Variants in PATJ observed in about 807,000 individuals in gnomAD.
PATJ encodes the protein PATJ crumbs cell polarity complex component.
PATJ carries 190 observed loss-of-function variants against 224.9 expected under a neutral mutation model. That is an observed-to-expected ratio of 0.84 (90% CI 0.75 to 0.95). PATJ has a LOEUF of 0.95. PATJ is among the 40% of genes least tolerant of loss of function. The pLI is 0.00. For missense variants in PATJ, 2,121 were observed against 2,270.3 expected, an observed-to-expected ratio of 0.93 and a Z score of 1.34; for synonymous variants, 769 against 820.3, an observed-to-expected ratio of 0.94 and a Z score of 1.07.
At chr1:62,153,915 T>C (rs1461758198) in intron 43 of PATJ, among the ~76,000 whole-genome samples, 1 of 152,198 alleles carries the variant, frequency 6.6e-6, no homozygotes, top group Non-Finnish European at 1.5e-5. Context: ...CTTTATTTTA[T>C]TTTTTGAGAG....
chr1:61,861,364 A>C (rs560414154), intron 18 of PATJ, among the ~76,000 whole-genome samples, 187 bp from the exon 19 acceptor site: 11 of 127,648 alleles, frequency 8.6e-5, no homozygotes, highest in African/African-American at 2.9e-4. Context: ...TCTGGGATAC[A>C]TGTGCAGAAT....
intron 42 of PATJ, 94 bp from the exon 43 acceptor site, chr1:62,153,264 A>T (rs1175226965): frequency 1.0e-5 from 10 of 973,902 alleles, no homozygotes; most frequent in Non-Finnish European, 1.3e-5. Context: ...GTTTTGCAGT[A>T]TGAAAGTCTC....
Position 61,810,958 on chromosome 1 carries a change from T to G in PATJ, c.1683+2428T>G, listed in dbSNP as rs182261489. ...ACACCTCATCAAGCTTCATTTGTTA[T>G]TAATTACTGCATTATAGTGTACTGA... On this transcript the variant is annotated intron_variant, in intron 14 of 43. Coordinates refer to ENST00000642238, the MANE Select transcript of PATJ (RefSeq NM_001350145.3). Among the ~76,000 whole-genome samples, 348 of 152,230 alleles carry G rather than the reference T, an allele frequency of 2.3e-3. 2 individuals are homozygous for G. Among genetic ancestry groups the G allele is most frequent in the African/African-American group, 7.4e-3 (306 of 41,568 alleles).
intron 7 of PATJ, among the ~76,000 whole-genome samples, chr1:61,775,538 T>G (rs1422887430): frequency 6.6e-6 from 1 of 152,138 alleles, no homozygotes; most frequent in Non-Finnish European, 1.5e-5. Flanking sequence ...ATTTTTGGGG[T>G]TTGTTTTGCT....
chr1:61,896,853 C>A (rs983739963), intron 22 of PATJ, among the ~76,000 whole-genome samples: 3 of 152,156 alleles, frequency 2.0e-5, no homozygotes, highest in African/African-American at 7.2e-5. Flanking sequence ...CTTCCCCTTA[C>A]CTTCTGCCAT....
At chr1:61,812,406 C>CAGAG (rs1655006339) in intron 14 of PATJ, among the ~76,000 whole-genome samples, 1 of 48,834 alleles carries the variant, frequency 2.0e-5, no homozygotes, top group Non-Finnish European at 4.2e-5. Flanking sequence ...ATGTGAGTGA[C>CAGAG]TGAGAGAGAG....
intron 27 of PATJ, among the ~76,000 whole-genome samples, chr1:61,969,640 T>A (rs1002932923): frequency 2.4e-4 from 36 of 152,230 alleles, no homozygotes; most frequent in African/African-American, 8.2e-4. Context: ...GATAAATAAT[T>A]TGCAAATATA....
intron 33 of PATJ, 42 bp downstream of exon 33, chr1:62,084,690 A>T: frequency 6.2e-7 from 1 of 1,600,028 alleles, no homozygotes; most frequent in Non-Finnish European, 8.5e-7. Context: ...TCATAGAACT[A>T]GTTGTTGAGG....
chr1:61,871,519 A>T (rs1475898966), intron 20 of PATJ, among the ~76,000 whole-genome samples: 1 of 49,218 alleles, frequency 2.0e-5, no homozygotes, highest in Non-Finnish European at 5.1e-5. Context: ...ACGCATATAT[A>T]TAAATATGTG....
chr1:61,746,745 CAT>C (rs35294074), intron 1 of PATJ, among the ~76,000 whole-genome samples: 13,996 of 152,172 alleles, frequency 0.092, 683 homozygotes, highest in Middle Eastern at 0.12. Context: ...ATAAAGCTAA[CAT>C]ATTCATTGTA....
At chr1:61,961,161 G>A (rs867002589) in intron 27 of PATJ, among the ~76,000 whole-genome samples, 2 of 152,192 alleles carry the variant, frequency 1.3e-5, no homozygotes, top group Non-Finnish European at 2.9e-5. Flanking sequence ...GCACTCAGAT[G>A]ATTTAGCAAG....
intron 29 of PATJ, among the ~76,000 whole-genome samples, chr1:62,023,090 G>C (rs1213949938): frequency 6.6e-6 from 1 of 152,122 alleles, no homozygotes; most frequent in Non-Finnish European, 1.5e-5. Flanking sequence ...AGGAGTTCCA[G>C]ACCAGCCTAA....
chr1:62,104,026 AATGG>A (rs1662564956), intron 33 of PATJ, among the ~76,000 whole-genome samples: 1 of 152,048 alleles, frequency 6.6e-6, no homozygotes, highest in Admixed American at 6.6e-5. Flanking sequence ...TGGGTTGATT[AATGG>A]ACTGCTTTTG....
At chr1:62,051,097 A>T in intron 31 of PATJ, 39 bp downstream of exon 31, 2 of 1,416,760 alleles carry the variant, frequency 1.4e-6, no homozygotes, top group Admixed American at 1.7e-5. Context: ...TATTCTGTTT[A>T]GGGATGTATC....
intron 27 of PATJ, among the ~76,000 whole-genome samples, chr1:61,976,644 G>T (rs1644148690): frequency 6.6e-6 from 1 of 151,960 alleles, no homozygotes; most frequent in Non-Finnish European, 1.5e-5. Flanking sequence ...CTGACCTCAG[G>T]TAATCCACCC....
intron 40 of PATJ, 152 bp from the exon 41 acceptor site, chr1:62,128,689 C>T: frequency 5.3e-6 from 3 of 561,024 alleles, no homozygotes; most frequent in Middle Eastern, 4.5e-4. Context: ...AAAAAAATTC[C>T]TCATGCTTCT....
rs947645058 is a variant in PATJ at position 62,037,854 on chromosome 1, A to G, written c.3960-123A>G. On this transcript the variant is annotated intron_variant, in intron 29 of 43. Coordinates refer to ENST00000642238, the MANE Select transcript of PATJ (RefSeq NM_001350145.3). ...ATATGGAAGCTATATATTTATATAT[A>G]TATATTTAATTCTATGATGCTGTGT... The G allele has an allele frequency of 3.2e-5, 11 of 344,124 alleles. No homozygotes were observed. The South Asian group carries it at 1.2e-3, about 38-fold the overall frequency. The allele number at this position is 344,124 out of a possible 1,614,324, so 21.3% of individuals were successfully genotyped here. A position where few individuals can be genotyped will look rare whatever the true frequency, so the allele number is the denominator to read the frequency against.
At chr1:61,771,394 A>G (rs776393289) in intron 5 of PATJ, 37 bp from the exon 6 acceptor site, 25 of 1,357,864 alleles carry the variant, frequency 1.8e-5, no homozygotes, top group Middle Eastern at 1.9e-4. Context: ...TCAGGTTATT[A>G]GATCACTTAA....
At chr1:61,931,993 T>C (rs1676103119) in intron 27 of PATJ, among the ~76,000 whole-genome samples, 1 of 151,808 alleles carries the variant, frequency 6.6e-6, no homozygotes, top group Admixed American at 6.6e-5. Flanking sequence ...TATTTTATTC[T>C]ATTTCATGTT....
Sources: gnomAD v4.1 joint callset for allele counts (sites outside exome capture counted in the v4.1 genomes callset) on GRCh38, gnomAD v4.1.1 for gene constraint, MANE v1.5 for transcripts, NCBI Gene and HGNC (gene_info 2026-07-23, HGNC 2026-07-21) for gene names.